SPATA1: variants seen among roughly 807,000 people sequenced by gnomAD.
SPATA1 encodes spermatogenesis associated 1, also known as spermatogenesis-associated protein 1.
A neutral mutation model predicts 59.6 loss-of-function variants in SPATA1; 57 were observed. The ratio of observed to expected loss-of-function variants is 0.96; its 90% CI spans 0.77 to 1.19. The LOEUF (loss-of-function observed/expected upper bound fraction) is 1.19, where lower values mean the gene tolerates loss of function less well. Ranked by LOEUF, SPATA1 falls within the 50% of genes most tolerant of loss-of-function variation. The probability of loss-of-function intolerance (pLI) is 0.00; values close to 1 mark genes in which losing one functional copy is unlikely to be tolerated. For missense variants in SPATA1, 448 were observed against 480.7 expected, an observed-to-expected ratio of 0.93 and a Z score of 0.64; for synonymous variants, 147 against 163.9, an observed-to-expected ratio of 0.90 and a Z score of 0.79.
intron 8 of SPATA1, among the ~76,000 whole-genome samples, chr1:84,534,393 T>A (rs1285733439): frequency 6.6e-6 from 1 of 152,100 alleles, no homozygotes; most frequent in Non-Finnish European, 1.5e-5. Flanking sequence ...TTATTCTAAG[T>A]ATTTTACACA....
chr1:84,552,876 A>G (rs1684319531), intron 12 of SPATA1: 1 of 566,412 alleles, frequency 1.8e-6, no homozygotes, highest in African/African-American at 1.9e-5. Context: ...TTCATAATCT[A>G]CACATTTACT....
intron 1 of SPATA1, among the ~76,000 whole-genome samples, chr1:84,509,546 C>T (rs1682444235): frequency 6.6e-6 from 1 of 151,186 alleles, no homozygotes; most frequent in Non-Finnish European, 1.5e-5. Flanking sequence ...GGTGGATCAC[C>T]TGAGGTCAGG....
At chr1:84,557,519 A>G (rs1380690920), downstream of SPATA1, among the ~76,000 whole-genome samples, 1 of 140,700 alleles carries the variant, frequency 7.1e-6, no homozygotes, top group African/African-American at 2.7e-5. Context: ...GGCGAAAAGA[A>G]CAAAACTCCA....
At chr1:84,548,793 T>C in exon 11 of SPATA1, 1 of 994,184 alleles carries the variant, frequency 1.0e-6, no homozygotes, top group Non-Finnish European at 1.4e-6. Context: ...TAGCCTACAA[T>C]GGTTGGAAGA....
chr1:84,563,213 A>G lies in SPATA1; in HGVS notation n.443-2648A>G, dbSNP rs762689167. 3.9e-6 allele frequency: 5 copies of G among 1,277,808 alleles called. No homozygotes were observed. In the Admixed American group the frequency reaches 1.5e-4, roughly 38 times the overall value. 79.2% of individuals were successfully genotyped at this position (1,277,808 alleles called of 1,614,324 possible). On this transcript the variant is annotated intron_variant and non_coding_transcript_variant, in intron 4 of 4. Transcript: ENST00000460286. ...AACATCTAATTATGAAAATAATTACAAAAACTAATAGAATAAATGCTCATA... is the reference window on the plus strand; with the variant it reads ...AACATCTAATTATGAAAATAATTACGAAAACTAATAGAATAAATGCTCATA...
intron 2 of SPATA1, among the ~76,000 whole-genome samples, chr1:84,518,929 T>C (rs1159985058): frequency 6.6e-6 from 1 of 152,026 alleles, no homozygotes; most frequent in African/African-American, 2.4e-5. Context: ...ATGTTACCTA[T>C]TAGTGTTTTA....
chr1:84,518,406 C>A (rs1682881106), intron 2 of SPATA1, among the ~76,000 whole-genome samples: 2 of 151,822 alleles, frequency 1.3e-5, no homozygotes, highest in South Asian at 2.1e-4. Flanking sequence ...ATATGGATGC[C>A]AAATAATTTA....
At chr1:84,561,421 T>G (rs1445039743) in intron 4 of SPATA1, among the ~76,000 whole-genome samples, 1 of 152,244 alleles carries the variant, frequency 6.6e-6, no homozygotes, top group Admixed American at 6.5e-5. Flanking sequence ...AGAAAGTAGT[T>G]TCTTGAGAAT....
chr1:84,506,874 AAGG>A (rs1317901611), intron 1 of SPATA1: 2 of 152,226 alleles, frequency 1.3e-5, no homozygotes, highest in African/African-American at 2.4e-5. Flanking sequence ...GGTTTTTCTG[AAGG>A]AGATTGTGAA....
At chr1:84,507,108 C>CA (rs1187826606) in intron 1 of SPATA1, 1 of 152,232 alleles carries the variant, frequency 6.6e-6, no homozygotes, top group East Asian at 1.9e-4. Flanking sequence ...AAAATAGGCT[C>CA]AGCCAGTAGG....
At chr1:84,526,598 G>A (rs1389801170) in intron 6 of SPATA1, among the ~76,000 whole-genome samples, 1 of 152,066 alleles carries the variant, frequency 6.6e-6, no homozygotes, top group Admixed American at 6.6e-5. Context: ...GCCAGGAGTG[G>A]TGGCTTATAT....
At chr1:84,507,021 C>A (rs1321416068) in intron 1 of SPATA1, 1 of 152,062 alleles carries the variant, frequency 6.6e-6, no homozygotes, top group Admixed American at 6.6e-5. Context: ...TTAGTATTTC[C>A]GTTGTAATTT....
intron 9 of SPATA1, 29 bp downstream of exon 9, chr1:84,544,333 T>C (rs547903062): frequency 1.4e-6 from 2 of 1,466,614 alleles, no homozygotes; most frequent in South Asian, 2.4e-5. Flanking sequence ...TAAGTACAGA[T>C]GATTCTGTGA....
At chr1:84,557,759 A>G (rs1239295862), downstream of SPATA1, among the ~76,000 whole-genome samples, 4 of 145,934 alleles carry the variant, frequency 2.7e-5, no homozygotes, top group African/African-American at 7.6e-5. Flanking sequence ...TTGGGAGGCT[A>G]AGGCAGGAGA....
chr1:84,522,621 A>G, intron 4 of SPATA1, 114 bp downstream of exon 4: 4 of 465,718 alleles, frequency 8.6e-6, no homozygotes, highest in Non-Finnish European at 1.5e-5. Flanking sequence ...TGTAATCTCA[A>G]TCAAAATGAA....
At chr1:84,524,093 C>T (rs1683127711) in intron 4 of SPATA1, among the ~76,000 whole-genome samples, 1 of 151,568 alleles carries the variant, frequency 6.6e-6, no homozygotes. Flanking sequence ...AAGGAGATTA[C>T]TTCCAGCAGG....
At chr1:84,536,703 C>G (rs185701166) in intron 8 of SPATA1, among the ~76,000 whole-genome samples, 1 of 152,160 alleles carries the variant, frequency 6.6e-6, no homozygotes, top group African/African-American at 2.4e-5. Context: ...CTCGGCCTCC[C>G]AAAGTGCTGG....
At chr1:84,530,171 C>T (rs1683413146) in intron 6 of SPATA1, among the ~76,000 whole-genome samples, 1 of 152,110 alleles carries the variant, frequency 6.6e-6, no homozygotes, top group Admixed American at 6.6e-5. Context: ...TGAGCCACCG[C>T]GCCTGGCCGA....
At position 84,517,931 on chromosome 1, in the gene SPATA1, A is replaced by G. The variant is rs989213939; in HGVS notation, c.36+1536A>G. Among the ~76,000 whole-genome samples the G allele has an allele frequency of 5.9e-5, 9 of 152,192 alleles. No homozygotes were observed. The East Asian group carries it at 1.7e-3, about 29-fold the overall frequency. ...CACTCAACTAATTAAGTAAAGCATT[A>G]TGTATATCCTGATATAATGCAATAT... On this transcript the variant is annotated intron_variant, in intron 2 of 12. Transcript: ENST00000490879.
Sources: allele counts gnomAD v4.1 joint callset (sites outside exome capture counted in the v4.1 genomes callset), GRCh38; gene constraint gnomAD v4.1.1; transcripts MANE v1.5; gene names NCBI Gene and HGNC (gene_info 2026-07-23, HGNC 2026-07-21).